CEMIP: variants seen among roughly 807,000 people sequenced by gnomAD.
The protein encoded by CEMIP is cell migration-inducing and hyaluronan-binding protein.
Under a neutral mutation model 156.9 loss-of-function variants are expected in CEMIP, and 105 were observed. The ratio of observed to expected loss-of-function variants is 0.67; its 90% CI spans 0.57 to 0.79. The LOEUF is 0.79. CEMIP is among the 30% of genes least tolerant of loss of function. The probability of loss-of-function intolerance (pLI) is 0.00; values close to 1 mark genes in which losing one functional copy is unlikely to be tolerated. For synonymous variants in CEMIP, 676 were observed against 668.4 expected, an observed-to-expected ratio of 1.01 and a Z score of -0.17; for missense variants, 1,457 against 1,769.4, an observed-to-expected ratio of 0.82 and a Z score of 3.17.
At chr15:80,937,005 C>T (rs1272397499) in intron 24 of CEMIP, 120 bp downstream of exon 24, 8 of 938,754 alleles carry the variant, frequency 8.5e-6, no homozygotes, top group South Asian at 8.1e-5. Flanking sequence ...TGCAGGAGTA[C>T]CTAGAGGGGT....
intron 3 of CEMIP, among the ~76,000 whole-genome samples, chr15:80,877,990 G>A (rs1394353319): frequency 6.6e-6 from 1 of 152,240 alleles, no homozygotes; most frequent in Non-Finnish European, 1.5e-5. Context: ...GAGGAAATCA[G>A]ACTGTAACTG....
At chr15:80,926,944 C>T (rs1341104711) in intron 19 of CEMIP, among the ~76,000 whole-genome samples, 1 of 151,840 alleles carries the variant, frequency 6.6e-6, no homozygotes, top group Non-Finnish European at 1.5e-5. Flanking sequence ...AATTCTCCTG[C>T]CTCAGCCTCC....
chr15:80,907,823 T>C (rs78721798), intron 13 of CEMIP, among the ~76,000 whole-genome samples: 125 of 152,372 alleles, frequency 8.2e-4, no homozygotes, highest in African/African-American at 3.0e-3. Flanking sequence ...CATGTGGTAA[T>C]TGGTTTCAAT....
At chr15:80,833,314 G>A (rs970741331) in intron 1 of CEMIP, among the ~76,000 whole-genome samples, 3 of 151,938 alleles carry the variant, frequency 2.0e-5, no homozygotes, top group East Asian at 1.9e-4. Flanking sequence ...TCCACCCACC[G>A]AGATATTGCA....
intron 1 of CEMIP, among the ~76,000 whole-genome samples, chr15:80,860,976 C>G: frequency 6.6e-6 from 1 of 152,066 alleles, no homozygotes; most frequent in East Asian, 1.9e-4. Context: ...CTTTCCTCTC[C>G]TCTGCTTGAT....
At chr15:80,915,110 G>T (rs1270716548) in intron 14 of CEMIP, among the ~76,000 whole-genome samples, 3 of 152,154 alleles carry the variant, frequency 2.0e-5, no homozygotes, top group Non-Finnish European at 2.9e-5. Flanking sequence ...CTAATCTTAG[G>T]TTTTACAATA....
chr15:80,912,263 C>T (rs575582354), intron 14 of CEMIP, among the ~76,000 whole-genome samples: 2 of 152,208 alleles, frequency 1.3e-5, no homozygotes, highest in Non-Finnish European at 2.9e-5. Context: ...GGAGCAGCCA[C>T]GTGGGTCACT....
At chr15:80,903,612 A>T (rs11636663) in intron 12 of CEMIP, among the ~76,000 whole-genome samples, 35,775 of 151,942 alleles carry the variant, frequency 0.24, 4,590 homozygotes, top group African/African-American at 0.34. Flanking sequence ...GTAAACGGGG[A>T]GCTGAGTTTT....
intron 28 of CEMIP, among the ~76,000 whole-genome samples, chr15:80,944,895 G>C (rs116610757): frequency 0.02 from 3,059 of 152,262 alleles, 112 homozygotes; most frequent in African/African-American, 0.07. Flanking sequence ...GCACCTCTCT[G>C]GGGGAAGCCC....
chr15:80,822,507 TGTCCG>T (rs1171070693), intron 1 of CEMIP, among the ~76,000 whole-genome samples: 1 of 152,216 alleles, frequency 6.6e-6, no homozygotes, highest in Non-Finnish European at 1.5e-5. Context: ...AAGCTGTCAC[TGTCCG>T]GTTCTTATGC....
chr15:80,794,752 G>T (rs973993512), intron 1 of CEMIP, among the ~76,000 whole-genome samples: 7 of 152,210 alleles, frequency 4.6e-5, no homozygotes, highest in Admixed American at 4.6e-4. Context: ...TAGTGGAACA[G>T]TGTAGGTCTA....
intron 25 of CEMIP, among the ~76,000 whole-genome samples, chr15:80,940,270 G>C (rs1901288065): frequency 6.6e-6 from 1 of 152,166 alleles, no homozygotes; most frequent in Non-Finnish European, 1.5e-5. Context: ...TCAGGATTAG[G>C]GAAGGCAGCT....
intron 13 of CEMIP, among the ~76,000 whole-genome samples, chr15:80,908,228 C>T (rs965248679): frequency 6.6e-6 from 1 of 152,074 alleles, no homozygotes; most frequent in African/African-American, 2.4e-5. Flanking sequence ...TGCTATAGCC[C>T]CCTTTTCAAT....
intron 1 of CEMIP, among the ~76,000 whole-genome samples, chr15:80,870,171 G>A (rs1273318788): frequency 1.3e-5 from 2 of 152,168 alleles, no homozygotes; most frequent in South Asian, 2.1e-4. Flanking sequence ...CTACCCCACC[G>A]TCCTGCTAGT....
chr15:80,878,984 C>T, intron 4 of CEMIP, 117 bp downstream of exon 4: 1 of 1,331,326 alleles, frequency 7.5e-7, no homozygotes, highest in Non-Finnish European at 1.1e-6. Context: ...GCTTTGGGTT[C>T]ATGTTGGCAT....
chr15:80,943,056 G>C lies in CEMIP; in HGVS notation c.3811G>C (p.Gly1271Arg). ...GAGCTTCAGGAACTCCATTCTGCAAGGCATACCATGGCAGCTTTTCAACTA... is the reference window on the plus strand; with the variant it reads ...GAGCTTCAGGAACTCCATTCTGCAACGCATACCATGGCAGCTTTTCAACTA... ...HTSFRNSILQ[G>R]IPWQLFNYVA... is the part of the protein sequence containing the mutation. Residue 1271 changes from glycine (G) to arginine (R), a missense_variant, in exon 28 of 30, where the codon GGC becomes CGC. Physicochemically the swap from Gly to Arg is moderately radical, Grantham distance 125. Coordinates refer to ENST00000394685, the MANE Select transcript of CEMIP (RefSeq NM_001293298.2). 6.2e-7 allele frequency: 1 copy of C among 1,614,220 alleles called. No homozygotes were observed. Among genetic ancestry groups the C allele is most frequent in the Non-Finnish European group, 8.5e-7 (1 of 1,180,042 alleles).
In CEMIP at chr15:80,922,096, C is replaced by T; in HGVS notation, c.2161C>T (p.Leu721=). ...CCCAGGTTATTCAGAGCACATTCCA[C>T]TGGGAAAATTCTATAACAACCGAGC... ...YSPGYSEHIP[L]GKFYNNRAHS... The change falls in exon 17 of 30, where the codon CTG becomes TTG. Residue 721 remains leucine, a synonymous_variant. Coordinates refer to ENST00000394685, the MANE Select transcript of CEMIP (RefSeq NM_001293298.2). The T allele has an allele frequency of 1.2e-6, 2 of 1,614,124 alleles. No homozygotes were observed. The highest frequency in any genetic ancestry group is 4.5e-5 in the East Asian group (2 of 44,898).
chr15:80,880,897 C>T lies in CEMIP; in HGVS notation c.381-3C>T. 1 of 1,612,244 alleles carries T rather than the reference C, an allele frequency of 6.2e-7. No homozygotes were observed. Among genetic ancestry groups the T allele is most frequent in the Non-Finnish European group, 8.5e-7 (1 of 1,178,454 alleles). ...AACTCTGGGGAGCTGTTTTCTCTTG[C>T]AGGGCTGATGAAGGTATTCAGCCGG... On this transcript the variant is annotated splice_polypyrimidine_tract_variant and splice_region_variant and intron_variant, in intron 5 of 29. Transcript: ENST00000394685.
chr15:80,916,970 T>C (rs998481533), intron 14 of CEMIP, among the ~76,000 whole-genome samples: 2 of 152,194 alleles, frequency 1.3e-5, no homozygotes, highest in African/African-American at 4.8e-5. Context: ...CTCAGACAGA[T>C]GGGGAATCAA....
Sources: gnomAD v4.1 joint callset for allele counts (sites outside exome capture counted in the v4.1 genomes callset) on GRCh38, gnomAD v4.1.1 for gene constraint, MANE v1.5 for transcripts, NCBI Gene and HGNC (gene_info 2026-07-23, HGNC 2026-07-21) for gene names.